GOLGA4: variants seen among roughly 807,000 people sequenced by gnomAD.
GOLGA4 encodes golgin subfamily A member 4.
A neutral mutation model predicts 265.9 loss-of-function variants in GOLGA4; 169 were observed. That is an observed-to-expected ratio of 0.64 (90% CI 0.56 to 0.72). The LOEUF (loss-of-function observed/expected upper bound fraction) is 0.72. Among genes scored for constraint, GOLGA4 ranks in the 30% least tolerant of loss-of-function variants. The pLI is 0.00. For synonymous variants in GOLGA4, 923 were observed against 855.8 expected (o/e 1.08, Z -1.37); for missense variants, 2,482 against 2,483.4 (o/e 1.00, Z 0.01).
intron 10 of GOLGA4, among the ~76,000 whole-genome samples, chr3:37,309,541 C>A (rs1325923080): frequency 6.6e-6 from 1 of 152,160 alleles, no homozygotes; most frequent in Non-Finnish European, 1.5e-5. Context: ...GCTGACAGAG[C>A]GAGACTCTTG....
chr3:37,300,590 C>T (rs2096890087), intron 9 of GOLGA4, among the ~76,000 whole-genome samples: 1 of 152,076 alleles, frequency 6.6e-6, no homozygotes, highest in South Asian at 2.1e-4. Context: ...CAGTTAACAT[C>T]TCATGACTAA....
intron 5 of GOLGA4, among the ~76,000 whole-genome samples, chr3:37,291,436 A>G (rs977414660): frequency 6.6e-6 from 1 of 152,198 alleles, no homozygotes; most frequent in African/African-American, 2.4e-5. Context: ...CCTCCTATCT[A>G]TCTATTCTCT....
intron 1 of GOLGA4, among the ~76,000 whole-genome samples, chr3:37,246,802 G>T (rs934047184): frequency 2.0e-5 from 3 of 152,004 alleles, no homozygotes; most frequent in Non-Finnish European, 2.9e-5. Context: ...CAACATATAC[G>T]CCCCTCCTTA....
At chr3:37,282,344 T>C (rs1057508070) in intron 3 of GOLGA4, 72 bp downstream of exon 3, 7 of 1,077,116 alleles carry the variant, frequency 6.5e-6, no homozygotes, top group Non-Finnish European at 9.7e-6. Flanking sequence ...ACTGTATTGC[T>C]TTACTCCTGT....
At chr3:37,253,921 C>T (rs1014489138) in intron 2 of GOLGA4, among the ~76,000 whole-genome samples, 9 of 150,982 alleles carry the variant, frequency 6.0e-5, no homozygotes, top group African/African-American at 2.0e-4. Flanking sequence ...GAGGCTGAGG[C>T]AGGAGAATCA....
chr3:37,294,965 A>G lies in GOLGA4; in HGVS notation c.583-14A>G, dbSNP rs776887458. 15 of 1,547,806 alleles carry G rather than the reference A, an allele frequency of 9.7e-6. No homozygotes were observed. The highest frequency in any genetic ancestry group is 1.3e-5 in the Non-Finnish European group (15 of 1,139,460). On this transcript the variant is annotated splice_polypyrimidine_tract_variant and intron_variant, in intron 5 of 23. Coordinates refer to ENST00000361924, the MANE Select transcript of GOLGA4 (RefSeq NM_002078.5). ...TTATACTGAAAATTACCTGTAAATC[A>G]TTTTATGTTTTAGGAGCTCCAAATG...
intron 6 of GOLGA4, 92 bp from the exon 7 acceptor site, chr3:37,295,995 C>G: frequency 8.6e-7 from 1 of 1,166,288 alleles, no homozygotes; most frequent in East Asian, 2.3e-5. Context: ...AACAGGGAAT[C>G]CTGGAACCAA....
intron 2 of GOLGA4, among the ~76,000 whole-genome samples, chr3:37,256,092 C>G (rs1291211433): frequency 6.6e-6 from 1 of 152,134 alleles, no homozygotes; most frequent in Non-Finnish European, 1.5e-5. Context: ...TTCATCCCCT[C>G]CAGTATGTGT....
At position 37,327,117 on chromosome 3, in the gene GOLGA4, A is replaced by G. The variant is rs1045154748; in HGVS notation, c.5231A>G (p.Asn1744Ser). Residue 1744 changes from asparagine (N) to serine (S), a missense_variant, in exon 14 of 24, where the codon AAC becomes AGC. Transcript: ENST00000361924. Reference protein sequence around the residue: ...YEEKISVLQRNLTEKEKLLQR... With the variant: ...YEEKISVLQRSLTEKEKLLQR... ...GAAAAAATCAGTGTTTTACAAAGAA[A>G]CTTAACTGAAAAAGAAAAGCTATTG... 12 of 1,613,594 alleles carry G rather than the reference A, an allele frequency of 7.4e-6. No individual in the cohort carries two copies. The highest frequency in any genetic ancestry group is 6.7e-5 in the East Asian group (3 of 44,876).
intron 2 of GOLGA4, among the ~76,000 whole-genome samples, chr3:37,268,497 A>T (rs182697701): frequency 6.6e-6 from 1 of 152,026 alleles, no homozygotes; most frequent in Non-Finnish European, 1.5e-5. Context: ...CCATAAGTAC[A>T]TTAAAGTCAT....
intron 10 of GOLGA4, among the ~76,000 whole-genome samples, chr3:37,310,079 T>G (rs1001100555): frequency 6.6e-6 from 1 of 152,238 alleles, no homozygotes; most frequent in African/African-American, 2.4e-5. Context: ...ATTGGCTTAC[T>G]TACTCATTCT....
At chr3:37,342,993 G>A (rs948326887) in intron 20 of GOLGA4, among the ~76,000 whole-genome samples, 5 of 152,142 alleles carry the variant, frequency 3.3e-5, no homozygotes, top group African/African-American at 1.2e-4. Context: ...TCCACTTCCT[G>A]GGTTCAAGCG....
chr3:37,317,315 G>A (rs575086932), intron 11 of GOLGA4, among the ~76,000 whole-genome samples: 3 of 152,108 alleles, frequency 2.0e-5, no homozygotes, highest in South Asian at 4.2e-4. Context: ...GATTACAGGC[G>A]TGTGCCATCA....
At position 37,315,567 on chromosome 3, in the gene GOLGA4, G is replaced by A. The variant is rs776508348; in HGVS notation, c.1382G>A (p.Arg461Gln). Residue 461 changes from arginine to glutamine, a missense_variant, in exon 11 of 24, where the codon CGG (arginine) becomes CAG (glutamine). This residue lies in a region of GOLGA4 where 1,536 missense variants were observed against 1,483.7 expected (regional missense o/e 1.04). Transcript: ENST00000361924. ...ATCAGTCTTCAACAGGAATTAAGTCGGGTGAAACAGGAGGTTGTTGATGTA... is the reference window on the plus strand; with the variant it reads ...ATCAGTCTTCAACAGGAATTAAGTCAGGTGAAACAGGAGGTTGTTGATGTA... ...ERISLQQELS[R>Q]VKQEVVDVMK... 6 of 1,613,702 alleles carry A rather than the reference G, an allele frequency of 3.7e-6. No individual in the cohort carries two copies. The highest frequency in any genetic ancestry group is 3.3e-5 in the Admixed American group (2 of 59,996).
intron 10 of GOLGA4, among the ~76,000 whole-genome samples, chr3:37,303,299 A>C (rs1008716127): frequency 1.3e-5 from 2 of 152,232 alleles, no homozygotes; most frequent in African/African-American, 4.8e-5. Context: ...CAAACTTAGA[A>C]GCAAAGACAG....
At chr3:37,310,747 A>T (rs963184428) in intron 10 of GOLGA4, among the ~76,000 whole-genome samples, 9 of 150,896 alleles carry the variant, frequency 6.0e-5, no homozygotes, top group African/African-American at 1.9e-4. Context: ...TTTTTTTTTT[A>T]AATAAAAATT....
At chr3:37,305,546 G>A (rs982068320) in intron 10 of GOLGA4, among the ~76,000 whole-genome samples, 1 of 152,128 alleles carries the variant, frequency 6.6e-6, no homozygotes, top group Non-Finnish European at 1.5e-5. Flanking sequence ...CATAAGAAAA[G>A]GTCAATGTAA....
chr3:37,280,827 C>T (rs1198969529), intron 2 of GOLGA4, among the ~76,000 whole-genome samples: 1 of 152,120 alleles, frequency 6.6e-6, no homozygotes, highest in Non-Finnish European at 1.5e-5. Flanking sequence ...TTTAAACCAC[C>T]TGTGATAAAT....
chr3:37,327,142 G>C lies in GOLGA4; in HGVS notation c.5256G>C (p.Leu1752Phe). ...QRNLTEKEKL[L>F]QRVGQEKEET... Reference sequence around the variant, plus strand: ...ACTTAACTGAAAAAGAAAAGCTATTGCAGAGGGTAGGGCAGGAAAAAGAAG... The same window carrying C: ...ACTTAACTGAAAAAGAAAAGCTATTCCAGAGGGTAGGGCAGGAAAAAGAAG... Residue 1752 changes from leucine (L) to phenylalanine (F), a missense_variant, in exon 14 of 24, where the codon TTG (leucine) becomes TTC (phenylalanine). Around this residue, in one of 3 missense-constraint regions of GOLGA4, gnomAD observed 942 missense variants for 983.1 expected, o/e 0.96. Coordinates refer to ENST00000361924, the MANE Select transcript of GOLGA4 (RefSeq NM_002078.5). The C allele has an allele frequency of 1.2e-6, 2 of 1,613,732 alleles. No individual in the cohort carries two copies. The highest frequency in any genetic ancestry group is 1.7e-6 in the Non-Finnish European group (2 of 1,179,806).
Sources: allele counts gnomAD v4.1 joint callset (sites outside exome capture counted in the v4.1 genomes callset), GRCh38; gene constraint gnomAD v4.1.1; regional missense constraint gnomAD v4.1.1; transcripts MANE v1.5; gene names NCBI Gene and HGNC (gene_info 2026-07-23, HGNC 2026-07-21).